The following ART3 variants were observed in gnomAD, a reference collection of about 807,000 sequenced individuals.
The protein encoded by ART3 is ADP-ribosyltransferase 3 (inactive).
Under a neutral mutation model 48.5 loss-of-function variants are expected in ART3, and 49 were observed. The ratio of observed to expected loss-of-function variants is 1.01; its 90% CI spans 0.80 to 1.28. The LOEUF is 1.28. Ranked by LOEUF, ART3 falls within the 50% of genes most tolerant of loss-of-function variation. ART3 has a pLI of 0.00. For synonymous variants in ART3, 145 were observed against 157.2 expected, an observed-to-expected ratio of 0.92 and a Z score of 0.58; for missense variants, 438 against 454.3, an observed-to-expected ratio of 0.96 and a Z score of 0.33.
chr4:76,029,626 A>G (rs1001487229), intron 1 of ART3, among the ~76,000 whole-genome samples: 3 of 152,212 alleles, frequency 2.0e-5, no homozygotes, highest in Non-Finnish European at 2.9e-5. Context: ...TGTGCTGACC[A>G]TATCATAAAG....
intron 1 of ART3, among the ~76,000 whole-genome samples, chr4:76,026,042 C>G (rs957581514): frequency 2.6e-5 from 4 of 151,962 alleles, no homozygotes; most frequent in African/African-American, 9.7e-5. Context: ...TTTACTAAAT[C>G]CTCTATGATC....
At chr4:76,045,543 A>G (rs1163312153) in intron 1 of ART3, among the ~76,000 whole-genome samples, 1 of 151,920 alleles carries the variant, frequency 6.6e-6, no homozygotes, top group African/African-American at 2.4e-5. Context: ...TACTACATCA[A>G]TTTCCTTACT....
At chr4:76,073,095 C>G (rs1021788354), upstream of ART3, among the ~76,000 whole-genome samples, 1 of 152,200 alleles carries the variant, frequency 6.6e-6, no homozygotes, top group Non-Finnish European at 1.5e-5. Flanking sequence ...CCTTCCCTCA[C>G]AAGAATATAA....
chr4:76,081,469 A>C (rs1232813279), intron 2 of ART3, among the ~76,000 whole-genome samples: 1 of 152,248 alleles, frequency 6.6e-6, no homozygotes, highest in Non-Finnish European at 1.5e-5. Flanking sequence ...ACAGCCTTGA[A>C]GGGTTGAAGA....
At chr4:76,087,024 G>A (rs1213214673) in intron 3 of ART3, among the ~76,000 whole-genome samples, 1 of 152,150 alleles carries the variant, frequency 6.6e-6, no homozygotes, top group Non-Finnish European at 1.5e-5. Flanking sequence ...GACAGAAATG[G>A]TACCGCTTTT....
At chr4:76,087,377 A>G (rs150864101) in intron 3 of ART3, among the ~76,000 whole-genome samples, 265 of 152,278 alleles carry the variant, frequency 1.7e-3, no homozygotes, top group Admixed American at 5.0e-3. Flanking sequence ...CGCCATCTAG[A>G]GATGGAAAGT....
At chr4:76,105,808 T>C (rs1428965204) in intron 10 of ART3, 1 of 985,326 alleles carries the variant, frequency 1.0e-6, no homozygotes, top group East Asian at 1.1e-4. Context: ...GGCTTCCAGC[T>C]GGGCCTGTCT....
At chr4:76,011,516 A>C (rs1353471299) in intron 1 of ART3, among the ~76,000 whole-genome samples, 1 of 152,230 alleles carries the variant, frequency 6.6e-6, no homozygotes, top group Non-Finnish European at 1.5e-5. Flanking sequence ...CAGAAGGGCC[A>C]GGGCACTGGG....
At chr4:76,102,643 G>A (rs936846337) in intron 8 of ART3, among the ~76,000 whole-genome samples, 4 of 121,756 alleles carry the variant, frequency 3.3e-5, no homozygotes, top group African/African-American at 1.0e-4. Flanking sequence ...ATATAGAACT[G>A]CATATAGAGT....
chr4:76,102,838 C>A (rs1727639306), intron 8 of ART3, among the ~76,000 whole-genome samples: 1 of 151,924 alleles, frequency 6.6e-6, no homozygotes, highest in South Asian at 2.1e-4. Flanking sequence ...AGTTAGGAAG[C>A]ATATTTTATA....
chr4:76,013,483 C>G (rs1046929031), intron 1 of ART3, among the ~76,000 whole-genome samples: 2 of 152,118 alleles, frequency 1.3e-5, no homozygotes, highest in East Asian at 1.9e-4. Flanking sequence ...TGTCACCAGT[C>G]TTTAATCTTA....
At chr4:76,106,344 G>A (rs1728464222) in intron 10 of ART3, 2 of 985,274 alleles carry the variant, frequency 2.0e-6, no homozygotes, top group African/African-American at 3.5e-5. Flanking sequence ...TGGTCTCCAA[G>A]TTACAATGGT....
At chr4:76,108,615 GC>G (rs138404280) in intron 11 of ART3, among the ~76,000 whole-genome samples, 18,953 of 151,776 alleles carry the variant, frequency 0.12, 1,593 homozygotes, top group African/African-American at 0.23. Context: ...GGGCAGTAAT[GC>G]CCCCCTGAGA....
chr4:76,091,480 T>G, intron 3 of ART3, among the ~76,000 whole-genome samples: 1 of 152,178 alleles, frequency 6.6e-6, no homozygotes, highest in Non-Finnish European at 1.5e-5. Flanking sequence ...TGCATGTTCC[T>G]AATGAGTAAT....
intron 1 of ART3, among the ~76,000 whole-genome samples, chr4:76,040,460 AC>A (rs1231985702): frequency 4.6e-5 from 7 of 151,344 alleles, no homozygotes; most frequent in Admixed American, 1.3e-4. Flanking sequence ...ACACACACAC[AC>A]ACACACACAC....
intron 3 of ART3, among the ~76,000 whole-genome samples, chr4:76,086,024 A>G (rs1723466671): frequency 6.6e-6 from 1 of 151,548 alleles, no homozygotes; most frequent in African/African-American, 2.4e-5. Flanking sequence ...GTGAGCTGAG[A>G]CTGCACAACT....
At chr4:76,098,497 T>C (rs1012548777) in intron 4 of ART3, among the ~76,000 whole-genome samples, 2 of 152,282 alleles carry the variant, frequency 1.3e-5, no homozygotes, top group African/African-American at 4.8e-5. Flanking sequence ...TTTTTTTTCA[T>C]GTAACTTAAA....
At chr4:76,034,676 A>T in intron 1 of ART3, 1 of 849,762 alleles carries the variant, frequency 1.2e-6, no homozygotes, top group Non-Finnish European at 1.9e-6. Flanking sequence ...AAGTCACAAA[A>T]CCATAGAAAA....
chr4:76,068,969 T>C (rs1487979463), intron 1 of ART3, among the ~76,000 whole-genome samples: 3 of 152,216 alleles, frequency 2.0e-5, no homozygotes. Flanking sequence ...TAGTTTTTAT[T>C]GTGTGTACAG....
Sources: allele counts gnomAD v4.1 joint callset (sites outside exome capture counted in the v4.1 genomes callset), GRCh38; gene constraint gnomAD v4.1.1; transcripts MANE v1.5; gene names NCBI Gene and HGNC (gene_info 2026-07-23, HGNC 2026-07-21).